CDH23: variants seen among roughly 807,000 people sequenced by gnomAD.
CDH23 encodes cadherin related 23.
CDH23 carries 189 observed loss-of-function variants against 317.1 expected under a neutral mutation model. The ratio of observed to expected loss-of-function variants is 0.60; its 90% confidence interval spans 0.53 to 0.67. CDH23 has a LOEUF of 0.67. Ranked by LOEUF, CDH23 falls within the 30% of genes least tolerant of loss-of-function variation. CDH23 has a pLI of 0.00. For missense variants in CDH23, 4,401 were observed against 4,592.4 expected (o/e 0.96, Z 1.20); for synonymous variants, 1,839 against 1,876.8 (o/e 0.98, Z 0.52).
intron 11 of CDH23, among the ~76,000 whole-genome samples, chr10:71,631,015 A>G (rs1320698020): frequency 2.0e-5 from 3 of 152,220 alleles, no homozygotes; most frequent in Non-Finnish European, 4.4e-5. Context: ...AGGCCAAGGC[A>G]GGAGGATTAT....
intron 35 of CDH23, among the ~76,000 whole-genome samples, 195 bp downstream of exon 35, chr10:71,738,842 G>A (rs968354706): frequency 1.2e-4 from 18 of 152,260 alleles, no homozygotes; most frequent in African/African-American, 4.3e-4. Flanking sequence ...CGGTGGCCCT[G>A]CCTGGGTCAT....
chr10:71,455,492 A>G (rs1050580022), intron 3 of CDH23, among the ~76,000 whole-genome samples: 7 of 152,226 alleles, frequency 4.6e-5, no homozygotes, highest in Non-Finnish European at 7.3e-5. Context: ...ATGCACATAT[A>G]TACTTATATT....
intron 9 of CDH23, among the ~76,000 whole-genome samples, chr10:71,595,632 C>A (rs1369875134): frequency 6.6e-6 from 1 of 152,182 alleles, no homozygotes; most frequent in Non-Finnish European, 1.5e-5. Context: ...ACACGGCCCT[C>A]ACAACCCAGA....
In CDH23 at chr10:71,511,202, G is replaced by C; in HGVS notation, c.419G>C (p.Arg140Pro). The change falls in exon 6 of 70, where the codon CGC (arginine) becomes CCC (proline). Residue 140 changes from arginine to proline, a missense_variant. Arg to Pro is a moderately radical substitution (Grantham distance 103). Around this residue, in one of 3 missense-constraint regions of CDH23, gnomAD observed 3,068 missense variants for 3,203.3 expected, o/e 0.96. Coordinates refer to ENST00000224721, the MANE Select transcript of CDH23 (RefSeq NM_022124.6). ...PTFHNQPYSV[R>P]IPENTPVGTP... ...TTTCACAATCAGCCCTACAGCGTCC[G>C]CATCCCTGAGGTAGGAGCCACTGGG... The C allele has an allele frequency of 1.2e-6, 2 of 1,613,338 alleles. No homozygotes were observed. The highest frequency in any genetic ancestry group is 1.7e-6 in the Non-Finnish European group (2 of 1,179,418).
intron 3 of CDH23, among the ~76,000 whole-genome samples, chr10:71,479,303 C>G (rs1851950411): frequency 6.6e-6 from 1 of 152,196 alleles, no homozygotes; most frequent in Non-Finnish European, 1.5e-5. Flanking sequence ...TCCTCATGCT[C>G]ATTTCTTACC....
Position 71,578,244 on chromosome 10 carries a change from TG to T in CDH23, c.832+258del, listed in dbSNP as rs1359848841. ...TGTCTGGGGGCTGCTTGGTGGGCAC[TG>T]GGGGGTGGGCGCGTGTGCCGCTGTC... On this transcript the variant is annotated intron_variant, in intron 9 of 69. Transcript: ENST00000224721. Among the ~76,000 whole-genome samples, 3 of 151,980 alleles carry T rather than the reference TG, an allele frequency of 2.0e-5. 1 individual carries two copies. Among genetic ancestry groups the T allele is most frequent in the South Asian group, 4.1e-4 (2 of 4,830 alleles).
At chr10:71,660,598 C>G (rs1863608075) in intron 14 of CDH23, among the ~76,000 whole-genome samples, 1 of 152,146 alleles carries the variant, frequency 6.6e-6, no homozygotes, top group East Asian at 1.9e-4. Context: ...GCTTTCATCT[C>G]ACTTCACTGG....
chr10:71,724,064 A>T lies in CDH23; in HGVS notation c.3389A>T (p.Asp1130Val). Reference protein sequence around the residue: ...SILQLKATDADEGEFGRVWYR... With the variant: ...SILQLKATDAVEGEFGRVWYR... ...CCTCAGCTGAAAGCCACGGACGCAGATGAGGGCGAGTTTGGGCGTGTGTGG... is the reference window on the plus strand; with the variant it reads ...CCTCAGCTGAAAGCCACGGACGCAGTTGAGGGCGAGTTTGGGCGTGTGTGG... The change falls in exon 29 of 70, where the codon GAT becomes GTT. Residue 1130 changes from aspartate to valine, a missense_variant. Coordinates refer to ENST00000224721, the MANE Select transcript of CDH23 (RefSeq NM_022124.6). 6.4e-7 allele frequency: 1 copy of T among 1,560,870 alleles called. No individual in the cohort carries two copies. Among genetic ancestry groups the T allele is most frequent in the East Asian group, 2.4e-5 (1 of 41,838 alleles).
At chr10:71,799,817 C>A (rs1841508578) in intron 52 of CDH23, among the ~76,000 whole-genome samples, 188 bp downstream of exon 52, 1 of 152,202 alleles carries the variant, frequency 6.6e-6, no homozygotes, top group Non-Finnish European at 1.5e-5. Context: ...AGACTGTGGC[C>A]TTTCTGTCTC....
At chr10:71,421,011 C>T (rs1365656069) in intron 1 of CDH23, among the ~76,000 whole-genome samples, 2 of 152,182 alleles carry the variant, frequency 1.3e-5, no homozygotes, top group African/African-American at 2.4e-5. Context: ...TGTTCCTTTC[C>T]CCCCAACCCT....
rs536610238 is a variant in CDH23, at chr10:71,754,301, C to T, written c.4845+12380C>T. On this transcript the variant is annotated intron_variant, in intron 38 of 69. Coordinates refer to ENST00000224721, the MANE Select transcript of CDH23 (RefSeq NM_022124.6). ...GCAAGGGTGAGGTGGCCACAGCCCCCGAGTGACCCACTATGGGGCTTCACG... is the reference window on the plus strand; with the variant it reads ...GCAAGGGTGAGGTGGCCACAGCCCCTGAGTGACCCACTATGGGGCTTCACG... 2.0e-3 allele frequency among the ~76,000 whole-genome samples: 304 copies of T among 150,650 alleles called. 1 individual carries two copies. The highest frequency in any genetic ancestry group is 6.9e-3 in the Middle Eastern group (2 of 288).
At chr10:71,432,341 C>CT in intron 1 of CDH23, among the ~76,000 whole-genome samples, 1 of 33,074 alleles carries the variant, frequency 3.0e-5, no homozygotes, top group Non-Finnish European at 5.4e-5. Flanking sequence ...AGTGTGTGTG[C>CT]GGTGTGTGAG....
chr10:71,540,191 G>A (rs938879291), intron 6 of CDH23, among the ~76,000 whole-genome samples: 2 of 152,118 alleles, frequency 1.3e-5, no homozygotes, highest in African/African-American at 2.4e-5. Context: ...GGAGGGGGCC[G>A]AGGCTCACGT....
chr10:71,777,561 C>A, intron 38 of CDH23, 119 bp from the exon 39 acceptor site: 2 of 846,152 alleles, frequency 2.4e-6, no homozygotes, highest in Non-Finnish European at 3.8e-6. Flanking sequence ...CTGCTTTCTT[C>A]TCCTTGCCCT....
intron 6 of CDH23, among the ~76,000 whole-genome samples, chr10:71,546,435 G>T (rs1856286818): frequency 6.6e-6 from 1 of 152,206 alleles, no homozygotes; most frequent in Non-Finnish European, 1.5e-5. Flanking sequence ...GCAATTTTAA[G>T]GTGGTGTAAT....
chr10:71,649,935 A>G (rs1863083772), intron 14 of CDH23, among the ~76,000 whole-genome samples: 1 of 152,210 alleles, frequency 6.6e-6, no homozygotes, highest in South Asian at 2.1e-4. Flanking sequence ...TAAGTGACTA[A>G]ACTGGATTCA....
rs1444574984 is a variant in CDH23, at chr10:71,746,570, G to C, written c.4845+4649G>C. Among the ~76,000 whole-genome samples the C allele has an allele frequency of 2.0e-5, 3 of 152,198 alleles. No individual in the cohort carries two copies. The East Asian group carries it at 5.8e-4, about 29-fold the overall frequency. On this transcript the variant is annotated intron_variant, in intron 38 of 69. Transcript: ENST00000224721. ...GGCCATGGGAAGACAGGCCAGGCTT[G>C]GGGGAGGGGTTTAAGTGGTTGTCAG...
At chr10:71,551,383 G>A (rs1286725885) in intron 6 of CDH23, among the ~76,000 whole-genome samples, 2 of 152,168 alleles carry the variant, frequency 1.3e-5, no homozygotes, top group Admixed American at 6.5e-5. Context: ...CACCCCCGGG[G>A]CCAGGAGGAG....
At chr10:71,537,972 C>T (rs749030481) in intron 6 of CDH23, among the ~76,000 whole-genome samples, 19 of 152,218 alleles carry the variant, frequency 1.2e-4, no homozygotes, top group Non-Finnish European at 2.4e-4. Context: ...CAGTAGGGAG[C>T]CCTGCACAGA....
Sources: gnomAD v4.1 joint callset for allele counts (sites outside exome capture counted in the v4.1 genomes callset) on GRCh38, gnomAD v4.1.1 for gene constraint, gnomAD v4.1.1 regional missense constraint, MANE v1.5 for transcripts, NCBI Gene and HGNC (gene_info 2026-07-23, HGNC 2026-07-21) for gene names.